Variants in SZT2 observed in about 807,000 individuals in gnomAD.
The protein encoded by SZT2 is SZT2 subunit of KICSTOR complex.
In SZT2, 216 loss-of-function variants were observed where a neutral mutation model predicts 404.2. The observed-to-expected ratio is 0.53, with a 90% CI of 0.48 to 0.60. The LOEUF (loss-of-function observed/expected upper bound fraction) is 0.60, where lower values mean the gene tolerates loss of function less well. Ranked by LOEUF, SZT2 falls within the 20% of genes least tolerant of loss-of-function variation. The probability of loss-of-function intolerance (pLI) is 0.00; values close to 1 mark genes in which losing one functional copy is unlikely to be tolerated. For missense variants in SZT2, 3,857 were observed against 4,459.2 expected, an observed-to-expected ratio of 0.86 and a Z score of 3.85; for synonymous variants, 1,693 against 1,749.9, an observed-to-expected ratio of 0.97 and a Z score of 0.81.
chr1:43,403,845 G>A (rs1383033607), intron 3 of SZT2, 71 bp downstream of exon 3: 21 of 1,546,072 alleles, frequency 1.4e-5, no homozygotes, highest in Non-Finnish European at 1.5e-5. Flanking sequence ...AGGCCTGTGG[G>A]GAAGTGAAAA....
intron 40 of SZT2, 102 bp downstream of exon 40, chr1:43,433,292 TGA>T (rs1654120339): frequency 7.6e-7 from 1 of 1,309,504 alleles, no homozygotes; most frequent in Non-Finnish European, 1.1e-6. Flanking sequence ...GACTTGGGAC[TGA>T]GAGCTTGGGT....
intron 68 of SZT2, 25 bp downstream of exon 68, chr1:43,447,996 A>G (rs780834883): frequency 2.5e-5 from 41 of 1,613,306 alleles, no homozygotes; most frequent in Admixed American, 5.0e-5. Flanking sequence ...TACCTTGAAC[A>G]TGCCCATTTC....
At chr1:43,422,665 C>CCCCCCCCCCCCCCCCCCCCCCA in intron 13 of SZT2, 33 bp downstream of exon 13, 1 of 751,530 alleles carries the variant, frequency 1.3e-6, no homozygotes, top group African/African-American at 2.1e-5. Context: ...ACCCCCCGCC[C>CCCCCCCCCCCCCCCCCCCCCCA]CCCCACCCCC....
intron 27 of SZT2, 30 bp from the exon 28 acceptor site, chr1:43,428,210 A>T: frequency 6.2e-7 from 1 of 1,613,844 alleles, no homozygotes; most frequent in African/African-American, 1.3e-5. Flanking sequence ...TCCAGAGCTC[A>T]AGCCTCATGG....
At chr1:43,406,761 G>C (rs1346159168) in intron 4 of SZT2, 1 of 152,218 alleles carries the variant, frequency 6.6e-6, no homozygotes, top group African/African-American at 2.4e-5. Context: ...ACCACTTACT[G>C]GTTGTGTGTC....
chr1:43,437,644 C>T lies in SZT2; in HGVS notation c.6340C>T (p.Pro2114Ser), dbSNP rs775858597. The change falls in exon 45 of 72, where the codon CCC becomes TCC. Residue 2114 changes from proline to serine, a missense_variant. This residue lies in a region of SZT2 where 261 missense variants were observed against 372.9 expected (regional missense o/e 0.70). Transcript: ENST00000634258. This position sits in a 1 kb window ranked among gnomAD's most constrained non-coding sequence, Gnocchi z 5.3. ...CCGGCCATGGAAAGGGGATGCGCTG[C>T]CCCCTTCCCTCGCTCTGTCCCGAAG... ...SDRPWKGDAL[P>S]PSLALSRSQE... 8 of 1,614,078 alleles carry T rather than the reference C, an allele frequency of 5.0e-6. No individual in the cohort carries two copies. The Middle Eastern group carries it at 4.9e-4, about 100-fold the overall frequency.
chr1:43,449,050 T>A, intron 70 of SZT2: 1 of 299,024 alleles, frequency 3.3e-6, no homozygotes, highest in African/African-American at 2.2e-5. Context: ...CCCCTTGGAC[T>A]TTGAAGCCTT....
chr1:43,417,310 C>G (rs1339800610), intron 7 of SZT2, among the ~76,000 whole-genome samples: 4 of 152,032 alleles, frequency 2.6e-5, no homozygotes, highest in South Asian at 2.1e-4. Context: ...CAGAGTCAAC[C>G]TGACTTCATG....
Position 43,432,989 on chromosome 1 carries a change from GTTAT to G in SZT2, c.5604_5607del (p.Tyr1869MetfsTer68). The G allele has an allele frequency of 6.2e-7, 1 of 1,613,972 alleles. No homozygotes were observed. Among genetic ancestry groups the G allele is most frequent in the Non-Finnish European group, 8.5e-7 (1 of 1,180,020 alleles). On this transcript the variant is annotated frameshift_variant and splice_region_variant, in exon 40 of 72. Coordinates refer to ENST00000634258, the MANE Select transcript of SZT2 (RefSeq NM_001365999.1). LOFTEE classifies it high-confidence loss of function. ...TTGACCTTCAATGCATCTGACACAG[GTTAT>G]GATGGTGGCAGCAGTGGCTCAGACA...
chr1:43,403,446 A>T, intron 2 of SZT2, 144 bp downstream of exon 2: 1 of 1,414,174 alleles, frequency 7.1e-7, no homozygotes, highest in South Asian at 1.4e-5. Flanking sequence ...TGGAAATTTT[A>T]AAAAATAATT....
At position 43,451,742 on chromosome 1, in the gene SZT2, G is replaced by A. The variant is rs375556306; in HGVS notation, c.*1262G>A. ...CCTAGGGAAGAGGATACTACATTCC[G>A]AGACCCCGCAGGCCCCGCCCTCCTT... is the stretch of plus-strand genomic sequence containing the variant. On this transcript the variant is annotated 3_prime_UTR_variant, in exon 72 of 72. Transcript: ENST00000634258. 3.1e-5 allele frequency: 50 copies of A among 1,613,640 alleles called. No homozygotes were observed. The highest frequency in any genetic ancestry group is 2.7e-4 in the African/African-American group (20 of 74,986).
rs758907870 is a variant in SZT2 at position 43,441,635 on chromosome 1, C to T, written c.7609+34C>T. The T allele has an allele frequency of 1.5e-5, 24 of 1,613,834 alleles. No individual in the cohort carries two copies. Among genetic ancestry groups the T allele is most frequent in the Non-Finnish European group, 1.9e-5 (23 of 1,179,922 alleles). ...CCAGCCTCCCCTCCCATCCCTCAACCCCAGCCTGGTCTCCATCCTGCAGCT... is the reference window on the plus strand; with the variant it reads ...CCAGCCTCCCCTCCCATCCCTCAACTCCAGCCTGGTCTCCATCCTGCAGCT... On this transcript the variant is annotated intron_variant, in intron 54 of 71. Transcript: ENST00000634258. This position sits in a 1 kb window ranked among gnomAD's most constrained non-coding sequence, Gnocchi z 4.8.
rs1381503014 is a variant in SZT2, at chr1:43,437,134, T to C, written c.6035-37T>C. ...GAAGTCTGTGGAGGGCAGAGGGTGG[T>C]GTGTCCCATTTCTAATCCCTGCTCC... On this transcript the variant is annotated intron_variant, in intron 42 of 71. Coordinates refer to ENST00000634258, the MANE Select transcript of SZT2 (RefSeq NM_001365999.1). The surrounding 1 kb of genome is among the most constrained non-coding windows in gnomAD (Gnocchi z 5.3). The C allele has an allele frequency of 1.9e-6, 3 of 1,610,194 alleles. No individual in the cohort carries two copies. The highest frequency in any genetic ancestry group is 2.2e-5 in the East Asian group (1 of 44,850).
chr1:43,451,737 A>C lies in SZT2; in HGVS notation c.*1257A>C. Reference sequence around the variant, plus strand: ...TATGTCCTAGGGAAGAGGATACTACATTCCGAGACCCCGCAGGCCCCGCCC... The same window carrying C: ...TATGTCCTAGGGAAGAGGATACTACCTTCCGAGACCCCGCAGGCCCCGCCC... On this transcript the variant is annotated 3_prime_UTR_variant, in exon 72 of 72. Coordinates refer to ENST00000634258, the MANE Select transcript of SZT2 (RefSeq NM_001365999.1). The C allele has an allele frequency of 6.2e-7, 1 of 1,613,658 alleles. No individual in the cohort carries two copies.
chr1:43,432,504 TC>T lies in SZT2; in HGVS notation c.5443-11del. ...TGGGGCCTATACCTCAGTCCTGACT[TC>T]CTATTCCTCAGACCCTGACAGCCAG... On this transcript the variant is annotated splice_polypyrimidine_tract_variant and intron_variant, in intron 37 of 71. Coordinates refer to ENST00000634258, the MANE Select transcript of SZT2 (RefSeq NM_001365999.1). 6.3e-7 allele frequency: 1 copy of T among 1,597,224 alleles called. No individual in the cohort carries two copies. The highest frequency in any genetic ancestry group is 8.5e-7 in the Non-Finnish European group (1 of 1,172,606).
rs747463004 is a variant in SZT2, at chr1:43,437,814, G to A, written c.6420G>A (p.Met2140Ile). 5 of 1,614,138 alleles carry A rather than the reference G, an allele frequency of 3.1e-6. No homozygotes were observed. The East Asian group carries it at 1.1e-4, about 36-fold the overall frequency. Residue 2140 changes from methionine (M) to isoleucine (I), a missense_variant, in exon 46 of 72, where the codon ATG becomes ATA. Physicochemically the swap from Met to Ile is conservative, Grantham distance 10. Transcript: ENST00000634258. The surrounding 1 kb of genome is among the most constrained non-coding windows in gnomAD (Gnocchi z 5.3). ...AGGGTCCTCGTTCTCCCTTAGACAT[G>A]GTCTCTAGCCGCAGTTCAGATGCTG... ...EASGPRSPLD[M>I]VSSRSSDAAR...
intron 1 of SZT2, among the ~76,000 whole-genome samples, chr1:43,395,896 T>C (rs1444415708): frequency 6.6e-6 from 1 of 152,196 alleles, no homozygotes; most frequent in African/African-American, 2.4e-5. Flanking sequence ...CAAGTTAGCA[T>C]GGAAATCAAA....
chr1:43,404,267 G>A, intron 3 of SZT2, 113 bp from the exon 4 acceptor site: 2 of 866,994 alleles, frequency 2.3e-6, no homozygotes, highest in South Asian at 1.7e-5. Flanking sequence ...CTGTATTTGG[G>A]TGTGCGATCA....
In SZT2 at chr1:43,442,102, C is replaced by G; in HGVS notation, c.7845C>G (p.Phe2615Leu). ...ATCTGCTGCTTCTGGGAAGGAACTT[C>G]TTGCAGTGGAGGAGACCAACACAGC... ...ERHLLLLGRNFLQWRRPTQQA... is the reference protein window; with the variant it reads ...ERHLLLLGRNLLQWRRPTQQA... The change falls in exon 56 of 72, where the codon TTC (phenylalanine) becomes TTG (leucine). Residue 2615 changes from phenylalanine (F) to leucine (L), a missense_variant. Around this residue, in one of 7 missense-constraint regions of SZT2, gnomAD observed 573 missense variants for 592.4 expected, o/e 0.97. Transcript: ENST00000634258. The surrounding 1 kb of genome is among the most constrained non-coding windows in gnomAD (Gnocchi z 4.5). 6.2e-7 allele frequency: 1 copy of G among 1,613,700 alleles called. No homozygotes were observed.
Sources: allele counts gnomAD v4.1 joint callset (sites outside exome capture counted in the v4.1 genomes callset), GRCh38; gene constraint gnomAD v4.1.1; regional missense constraint gnomAD v4.1.1; non-coding constraint Gnocchi (gnomAD v3.1); transcripts MANE v1.5; gene names NCBI Gene and HGNC (gene_info 2026-07-23, HGNC 2026-07-21).